HERC1: variants seen among roughly 807,000 people sequenced by gnomAD.
HERC1 encodes the protein probable E3 ubiquitin-protein ligase HERC1.
HERC1 carries 160 observed loss-of-function variants against 554.3 expected under a neutral mutation model. The ratio of observed to expected loss-of-function variants is 0.29; its 90% CI spans 0.25 to 0.33. HERC1 has a LOEUF of 0.33. Ranked by LOEUF, HERC1 falls within the 10% of genes least tolerant of loss-of-function variation. The probability of loss-of-function intolerance (pLI) is 1.00; values close to 1 mark genes in which losing one functional copy is unlikely to be tolerated. For missense variants in HERC1, 4,919 were observed against 5,918.5 expected (o/e 0.83, Z 5.54); for synonymous variants, 2,175 against 2,131.7 (o/e 1.02, Z -0.56).
chr15:63,786,914 A>G (rs2076466379), intron 1 of HERC1, among the ~76,000 whole-genome samples: 1 of 135,548 alleles, frequency 7.4e-6, no homozygotes, highest in African/African-American at 2.8e-5. Context: ...AACTCAATAA[A>G]TTATTATTTT....
chr15:63,714,056 G>T (rs965949555), intron 22 of HERC1, among the ~76,000 whole-genome samples: 1 of 152,114 alleles, frequency 6.6e-6, no homozygotes, highest in Non-Finnish European at 1.5e-5. Context: ...CCTCTAGGTG[G>T]GGGACCCAGC....
chr15:63,644,848 T>G, intron 57 of HERC1, 144 bp downstream of exon 57: 1 of 615,870 alleles, frequency 1.6e-6, no homozygotes, highest in South Asian at 2.2e-5. Flanking sequence ...TTAAGCTAAT[T>G]CAGGATGACA....
intron 16 of HERC1, among the ~76,000 whole-genome samples, chr15:63,728,843 G>C (rs1330855741): frequency 6.7e-6 from 1 of 150,370 alleles, no homozygotes; most frequent in African/African-American, 2.5e-5. Context: ...AGAGAAAAAA[G>C]GACTGTGACT....
intron 51 of HERC1, 120 bp downstream of exon 51, chr15:63,653,999 T>G (rs1005057795): frequency 1.8e-5 from 13 of 721,328 alleles, no homozygotes; most frequent in Middle Eastern, 5.7e-4. Flanking sequence ...CATGTGTATG[T>G]GTACGTGTGA....
chr15:63,815,729 T>C (rs903323086), intron 1 of HERC1, among the ~76,000 whole-genome samples: 1 of 152,036 alleles, frequency 6.6e-6, no homozygotes, highest in Non-Finnish European at 1.5e-5. Flanking sequence ...TAACCTAACA[T>C]GTTAGTCCGG....
In HERC1 at chr15:63,725,277, A is replaced by T. The variant is rs778215924; in HGVS notation, c.3568+15T>A. 6 of 1,605,634 alleles carry T rather than the reference A, an allele frequency of 3.7e-6. No homozygotes were observed. The highest frequency in any genetic ancestry group is 4.5e-5 in the East Asian group (2 of 44,836). On this transcript the variant is annotated intron_variant, in intron 18 of 77. Coordinates refer to ENST00000443617, the MANE Select transcript of HERC1 (RefSeq NM_003922.4). ...AACAGGCATGTATTTTAAATGCTGC[A>T]GAGAAGCACATTACCCAATTGAGGA... is the stretch of plus-strand genomic sequence containing the variant.
In HERC1 at chr15:63,643,003, A is replaced by G; in HGVS notation, c.11387T>C (p.Val3796Ala). The G allele has an allele frequency of 6.2e-7, 1 of 1,613,182 alleles. No individual in the cohort carries two copies. The highest frequency in any genetic ancestry group is 2.2e-5 in the East Asian group (1 of 44,856). The change falls in exon 59 of 78, where the codon GTA becomes GCA. Residue 3796 changes from valine to alanine, a missense_variant. Val to Ala is a moderately conservative substitution (Grantham distance 64). This residue lies in a region of HERC1 where 1,963 missense variants were observed against 2,228.6 expected (regional missense o/e 0.88). Coordinates refer to ENST00000443617, the MANE Select transcript of HERC1 (RefSeq NM_003922.4). ...VIGSGAIQTT[V>A]WIPEVGVAAC... Reference sequence around the variant, plus strand: ...AGCTACTCCAACTTCTGGAATCCATACTGTGGTCTGAATAGCTCCAGAGCC... The same window carrying G: ...AGCTACTCCAACTTCTGGAATCCATGCTGTGGTCTGAATAGCTCCAGAGCC...
Position 63,612,295 on chromosome 15 carries a change from T to C in HERC1, c.14356A>G (p.Thr4786Ala), listed in dbSNP as rs1305654769. ...TGAAATCTCTGAGAAATGTCAGCAG[T>C]GTTGGCTGGTAGTCGAGATCTTCCT... is the stretch of plus-strand genomic sequence containing the variant. ...VSGRSRLPAN[T>A]ADISQRFQIM... Residue 4786 changes from threonine (T) to alanine (A), a missense_variant, in exon 77 of 78, where the codon ACT becomes GCT. Around this residue, in one of 11 missense-constraint regions of HERC1, gnomAD observed 5 missense variants for 16.1 expected, o/e 0.31. Coordinates refer to ENST00000443617, the MANE Select transcript of HERC1 (RefSeq NM_003922.4). The surrounding 1 kb of genome is among the most constrained non-coding windows in gnomAD (Gnocchi z 5.0). 1 of 1,613,616 alleles carries C rather than the reference T, an allele frequency of 6.2e-7. No homozygotes were observed. Among genetic ancestry groups the C allele is most frequent in the Non-Finnish European group, 8.5e-7 (1 of 1,179,548 alleles).
chr15:63,667,325 C>G (rs1454915879), intron 40 of HERC1, among the ~76,000 whole-genome samples: 1 of 151,986 alleles, frequency 6.6e-6, no homozygotes, highest in Non-Finnish European at 1.5e-5. Context: ...TAGAACATAA[C>G]TATTGCTAAT....
chr15:63,656,338 G>A lies in HERC1; in HGVS notation c.9620C>T (p.Ala3207Val). The change falls in exon 49 of 78, where the codon GCT (alanine) becomes GTT (valine). Residue 3207 changes from alanine (A) to valine (V), a missense_variant. By Grantham distance (64) the Ala-to-Val change is moderately conservative (BLOSUM62 0). This residue lies in a region of HERC1 where 1,963 missense variants were observed against 2,228.6 expected (regional missense o/e 0.88). Coordinates refer to ENST00000443617, the MANE Select transcript of HERC1 (RefSeq NM_003922.4). ...TAGCCCCAGAGACTCAAGACCAGCA[G>A]CCAGGCTACAACTGGAACCACTGCC... ...LSVSGSSCSL[A>V]AGLESLGLTD... 6.2e-7 allele frequency: 1 copy of A among 1,611,694 alleles called. No individual in the cohort carries two copies. Among genetic ancestry groups the A allele is most frequent in the Non-Finnish European group, 8.5e-7 (1 of 1,178,568 alleles).
At chr15:63,615,439 T>C (rs1397630453) in intron 76 of HERC1, among the ~76,000 whole-genome samples, 3 of 152,010 alleles carry the variant, frequency 2.0e-5, no homozygotes, top group Admixed American at 6.6e-5. Context: ...CAAAACCCCA[T>C]CTCTACCAAA....
At position 63,616,410 on chromosome 15, in the gene HERC1, A is replaced by G. The variant is rs1460758577; in HGVS notation, c.13941+20T>C. On this transcript the variant is annotated intron_variant, in intron 75 of 77. Coordinates refer to ENST00000443617, the MANE Select transcript of HERC1 (RefSeq NM_003922.4). ...ATAGGACGTCAACACCAGTAGAAAC[A>G]TAGACTGGCCAGGATTTACCTCATG... is the stretch of plus-strand genomic sequence containing the variant. 14 of 1,607,174 alleles carry G rather than the reference A, an allele frequency of 8.7e-6. No individual in the cohort carries two copies. Among genetic ancestry groups the G allele is most frequent in the Admixed American group, 1.7e-5 (1 of 59,658 alleles).
intron 1 of HERC1, among the ~76,000 whole-genome samples, chr15:63,790,299 C>T (rs551588517): frequency 3.9e-5 from 6 of 152,132 alleles, no homozygotes; most frequent in Admixed American, 6.5e-5. Context: ...ACTTTTTAGG[C>T]TAGGCGCGGT....
At chr15:63,634,227 G>A (rs961353676) in intron 66 of HERC1, among the ~76,000 whole-genome samples, 1 of 152,216 alleles carries the variant, frequency 6.6e-6, no homozygotes, top group Non-Finnish European at 1.5e-5. Context: ...ATGAAAGATA[G>A]AGGAAAAGTA....
rs1385239229 is a variant in HERC1, at chr15:63,696,226, T to C, written c.5019A>G (p.Leu1673=). The C allele has an allele frequency of 6.2e-7, 1 of 1,613,182 alleles. No individual in the cohort carries two copies. The highest frequency in any genetic ancestry group is 1.1e-5 in the South Asian group (1 of 90,902). The change falls in exon 27 of 78, where the codon CTA becomes CTG. Residue 1673 remains leucine, a synonymous_variant. Coordinates refer to ENST00000443617, the MANE Select transcript of HERC1 (RefSeq NM_003922.4). ...GGAACTGCAGCCTCACAGACGTGAGTAGTGTGGAGGACTGGAAGCCTGAAC... is the reference window on the plus strand; with the variant it reads ...GGAACTGCAGCCTCACAGACGTGAGCAGTGTGGAGGACTGGAAGCCTGAAC... ...RLSSGFQSST[L]LTSVRLQFLA...
chr15:63,790,248 C>T (rs1258793856), intron 1 of HERC1, among the ~76,000 whole-genome samples: 1 of 152,158 alleles, frequency 6.6e-6, no homozygotes, highest in African/African-American at 2.4e-5. Context: ...GCTATCTCTA[C>T]CACCAATATT....
chr15:63,812,902 A>G (rs975599319), intron 1 of HERC1, among the ~76,000 whole-genome samples: 4 of 152,186 alleles, frequency 2.6e-5, no homozygotes, highest in African/African-American at 9.6e-5. Context: ...CTGTCCCCCA[A>G]ATTGATCTAT....
rs1232950742 is a variant in HERC1, at chr15:63,775,765, C to T, written c.-26-116G>A. 39 of 721,676 alleles carry T rather than the reference C, an allele frequency of 5.4e-5. No individual in the cohort carries two copies. The highest frequency in any genetic ancestry group is 1.3e-4 in the Admixed American group (4 of 31,486). 44.7% of individuals were successfully genotyped at this position (721,676 alleles called of 1,614,324 possible). On this transcript the variant is annotated intron_variant, in intron 1 of 77. Coordinates refer to ENST00000443617, the MANE Select transcript of HERC1 (RefSeq NM_003922.4). This position sits in a 1 kb window ranked among gnomAD's most constrained non-coding sequence, Gnocchi z 4.0. ...CAAACTGGTGAAATGCAGCCGGGTGCGGTGGCTCACGCCTGTAATCCCAAC... is the reference window on the plus strand; with the variant it reads ...CAAACTGGTGAAATGCAGCCGGGTGTGGTGGCTCACGCCTGTAATCCCAAC...
chr15:63,758,013 T>C lies in HERC1; in HGVS notation c.1221+162A>G, dbSNP rs963413076. Among the ~76,000 whole-genome samples, 5 of 152,164 alleles carry C rather than the reference T, an allele frequency of 3.3e-5. No individual in the cohort carries two copies. Among genetic ancestry groups the C allele is most frequent in the Non-Finnish European group, 7.4e-5 (5 of 68,020 alleles). On this transcript the variant is annotated intron_variant, in intron 4 of 77. Coordinates refer to ENST00000443617, the MANE Select transcript of HERC1 (RefSeq NM_003922.4). This position sits in a 1 kb window ranked among gnomAD's most constrained non-coding sequence, Gnocchi z 4.0. ...GTGAGCCACTGCGCCCAGCAAAAAT[T>C]TATTTTTCTATTAAAATGAAAAAAA...
Sources: gnomAD v4.1 joint callset for allele counts (sites outside exome capture counted in the v4.1 genomes callset) on GRCh38, gnomAD v4.1.1 for gene constraint, gnomAD v4.1.1 regional missense constraint, Gnocchi (gnomAD v3.1) non-coding constraint, MANE v1.5 for transcripts, NCBI Gene and HGNC (gene_info 2026-07-23, HGNC 2026-07-21) for gene names.